ACOXL: variants seen among roughly 807,000 people sequenced by gnomAD.
ACOXL encodes acyl-coenzyme A oxidase-like protein.
In ACOXL, 70 loss-of-function variants were observed where a neutral mutation model predicts 71.9. That is an observed-to-expected ratio of 0.97 (90% confidence interval 0.80 to 1.19). The LOEUF (loss-of-function observed/expected upper bound fraction) is 1.19. ACOXL is among the 50% of genes most tolerant of loss of function. The pLI is 0.00. For synonymous variants in ACOXL, 253 were observed against 281.6 expected, an observed-to-expected ratio of 0.90 and a Z score of 1.02; for missense variants, 703 against 736.3, an observed-to-expected ratio of 0.95 and a Z score of 0.52.
chr2:111,002,746 C>T (rs143735441), intron 14 of ACOXL, among the ~76,000 whole-genome samples: 2 of 152,218 alleles, frequency 1.3e-5, no homozygotes, highest in East Asian at 1.9e-4. Context: ...TCCCATTCCC[C>T]CTACCCTCCA....
At chr2:110,810,207 T>G (rs878933045) in intron 9 of ACOXL, among the ~76,000 whole-genome samples, 3 of 152,236 alleles carry the variant, frequency 2.0e-5, no homozygotes, top group African/African-American at 7.2e-5. Context: ...TGTAACACGA[T>G]CAGGCCTTTG....
chr2:111,030,009 A>G (rs564037285), intron 14 of ACOXL, among the ~76,000 whole-genome samples: 1 of 151,954 alleles, frequency 6.6e-6, no homozygotes, highest in East Asian at 1.9e-4. Context: ...TTTTCTTTTG[A>G]TCAGGCCAGT....
intron 12 of ACOXL, among the ~76,000 whole-genome samples, chr2:110,974,241 C>T (rs1442535296): frequency 6.6e-6 from 1 of 152,210 alleles, no homozygotes; most frequent in African/African-American, 2.4e-5. Context: ...CAGTGAGTTT[C>T]ACAATATTCT....
chr2:111,063,514 G>GA (rs534369134), intron 16 of ACOXL, among the ~76,000 whole-genome samples: 64 of 150,660 alleles, frequency 4.2e-4, no homozygotes, highest in African/African-American at 1.0e-3. Flanking sequence ...AGGAAAAAGA[G>GA]AAAAAAAAAT....
At chr2:110,792,220 C>T (rs1018798017) in intron 3 of ACOXL, among the ~76,000 whole-genome samples, 1 of 152,208 alleles carries the variant, frequency 6.6e-6, no homozygotes, top group Non-Finnish European at 1.5e-5. Context: ...GGGTCAACAT[C>T]ACCCACAAAC....
intron 15 of ACOXL, among the ~76,000 whole-genome samples, chr2:111,043,701 C>T (rs1463145086): frequency 6.6e-6 from 1 of 152,142 alleles, no homozygotes; most frequent in Non-Finnish European, 1.5e-5. Context: ...GCCAGGGAAG[C>T]CTCAGTAAGG....
At chr2:111,022,965 C>A (rs1268184194) in intron 14 of ACOXL, among the ~76,000 whole-genome samples, 3 of 152,166 alleles carry the variant, frequency 2.0e-5, no homozygotes, top group Non-Finnish European at 2.9e-5. Flanking sequence ...GGGCTCACCC[C>A]CAAGAGCAGA....
At chr2:110,806,762 G>C (rs1180825363) in intron 9 of ACOXL, among the ~76,000 whole-genome samples, 1 of 152,152 alleles carries the variant, frequency 6.6e-6, no homozygotes. Context: ...GGCCAGGCAG[G>C]CTCCTGGGAA....
At chr2:110,904,918 G>A (rs1056214694) in intron 10 of ACOXL, among the ~76,000 whole-genome samples, 4 of 152,206 alleles carry the variant, frequency 2.6e-5, no homozygotes, top group South Asian at 2.1e-4. Flanking sequence ...AGGAAGCAGC[G>A]GGAATGGGGT....
At chr2:110,764,697 C>T (rs1051813798) in intron 1 of ACOXL, among the ~76,000 whole-genome samples, 1 of 152,118 alleles carries the variant, frequency 6.6e-6, no homozygotes, top group African/African-American at 2.4e-5. Context: ...AACAAATATA[C>T]CACTCTGGTG....
intron 15 of ACOXL, among the ~76,000 whole-genome samples, chr2:111,043,129 G>T (rs997632852): frequency 2.0e-5 from 3 of 152,226 alleles, no homozygotes; most frequent in Admixed American, 6.5e-5. Context: ...AGGGCCACAT[G>T]TGTCATGCTC....
intron 14 of ACOXL, among the ~76,000 whole-genome samples, chr2:111,020,729 C>CT (rs1356722353): frequency 6.6e-6 from 1 of 152,170 alleles, no homozygotes; most frequent in Non-Finnish European, 1.5e-5. Flanking sequence ...ATGATGTGGG[C>CT]TCTCATGCAG....
At chr2:111,102,646 CA>C (rs11327626) in intron 17 of ACOXL, among the ~76,000 whole-genome samples, 13,774 of 143,454 alleles carry the variant, frequency 0.096, 981 homozygotes, top group East Asian at 0.29. Flanking sequence ...CCATGTTGCA[CA>C]AAAAAAAAAG....
At chr2:110,932,850 A>G (rs2060526048) in intron 11 of ACOXL, among the ~76,000 whole-genome samples, 1 of 152,182 alleles carries the variant, frequency 6.6e-6, no homozygotes, top group South Asian at 2.1e-4. Flanking sequence ...AGGTTTTCCA[A>G]TGGGAGAACG....
chr2:111,005,128 G>C (rs2063811000), intron 14 of ACOXL, among the ~76,000 whole-genome samples: 2 of 152,308 alleles, frequency 1.3e-5, no homozygotes, highest in South Asian at 4.1e-4. Context: ...GCTGATTCCT[G>C]TTTTCTCTCT....
chr2:110,934,024 G>A (rs1558751594), intron 12 of ACOXL, among the ~76,000 whole-genome samples: 1 of 152,226 alleles, frequency 6.6e-6, no homozygotes, highest in Non-Finnish European at 1.5e-5. Flanking sequence ...CACCCCTGGT[G>A]AGGACACAGG....
intron 1 of ACOXL, among the ~76,000 whole-genome samples, chr2:110,765,132 A>C (rs189651400): frequency 6.6e-6 from 1 of 152,314 alleles, no homozygotes; most frequent in Non-Finnish European, 1.5e-5. Context: ...TGTAGTTTCC[A>C]GTGAGAAATC....
intron 17 of ACOXL, 27 bp downstream of exon 17, chr2:111,092,993 A>T (rs770783078): frequency 6.4e-7 from 1 of 1,563,096 alleles, no homozygotes; most frequent in African/African-American, 1.4e-5. Flanking sequence ...ACAGAAAAAC[A>T]CTTTGTACAT....
In ACOXL at chr2:110,907,745, GA is replaced by G. The variant is rs1369670063; in HGVS notation, c.789-1043del. ...ACCCACATGACAGCACCAGACTTAT[GA>G]GATGCCTTAAACACTAAAAAGATTA... On this transcript the variant is annotated intron_variant, in intron 10 of 17. Coordinates refer to ENST00000439055, the MANE Select transcript of ACOXL (RefSeq NM_001142807.4). 2.4e-4 allele frequency among the ~76,000 whole-genome samples: 36 copies of G among 152,288 alleles called. 1 individual carries two copies. The highest frequency in any genetic ancestry group is 4.4e-5 in the Non-Finnish European group (3 of 68,024).
Sources: gnomAD v4.1 joint callset for allele counts (sites outside exome capture counted in the v4.1 genomes callset) on GRCh38, gnomAD v4.1.1 for gene constraint, MANE v1.5 for transcripts, NCBI Gene and HGNC (gene_info 2026-07-23, HGNC 2026-07-21) for gene names.